ZMYM2: variants seen among roughly 807,000 people sequenced by gnomAD.
ZMYM2 encodes the protein zinc finger MYM-type protein 2.
In ZMYM2, 56 loss-of-function variants were observed where a neutral mutation model predicts 162.8. The observed-to-expected ratio is 0.34, with a 90% CI of 0.28 to 0.43. The LOEUF is 0.43. ZMYM2 is among the 20% of genes least tolerant of loss of function. ZMYM2 has a pLI of 1.00. For missense variants in ZMYM2, 1,275 were observed against 1,621.8 expected (o/e 0.79, Z 3.67); for synonymous variants, 510 against 541.6 (o/e 0.94, Z 0.81).
chr13:20,028,601 C>T (rs7489676), intron 9 of ZMYM2, among the ~76,000 whole-genome samples: 104,493 of 152,000 alleles, frequency 0.69, 41,137 homozygotes, highest in Non-Finnish European at 0.86. Context: ...ATATAAAATT[C>T]CAGGATGCCC....
chr13:20,063,943 A>G (rs1457023062), intron 18 of ZMYM2, among the ~76,000 whole-genome samples: 1 of 145,506 alleles, frequency 6.9e-6, no homozygotes, highest in African/African-American at 2.5e-5. Flanking sequence ...TAGTTTTTAT[A>G]TATATAATAT....
At chr13:20,034,765 C>T (rs1953526562) in intron 11 of ZMYM2, among the ~76,000 whole-genome samples, 1 of 152,134 alleles carries the variant, frequency 6.6e-6, no homozygotes, top group Admixed American at 6.5e-5. Flanking sequence ...ACCTAACCTG[C>T]AAAGGTTTTC....
intron 2 of ZMYM2, among the ~76,000 whole-genome samples, chr13:19,961,120 T>G (rs964484670): frequency 6.6e-6 from 1 of 152,088 alleles, no homozygotes; most frequent in East Asian, 1.9e-4. Context: ...CTAAGGTTTT[T>G]TTTTTTTTTT....
chr13:19,895,752 T>C, the ZMYM2 span, among the ~76,000 whole-genome samples: 5 of 151,494 alleles, frequency 3.3e-5, no homozygotes, highest in African/African-American at 1.2e-4. Flanking sequence ...TTTTGGAGGG[T>C]ACATTCAAAC....
chr13:20,042,721 A>AT (rs546046715), intron 12 of ZMYM2, among the ~76,000 whole-genome samples: 66 of 148,080 alleles, frequency 4.5e-4, no homozygotes, highest in African/African-American at 1.6e-3. Context: ...TTTTATTATT[A>AT]TTATTTTTTT....
chr13:19,972,456 T>C (rs1264173044), intron 2 of ZMYM2, among the ~76,000 whole-genome samples: 1 of 152,208 alleles, frequency 6.6e-6, no homozygotes, highest in Non-Finnish European at 1.5e-5. Flanking sequence ...AGTATAAATA[T>C]CTTTTTGCAA....
chr13:20,058,589 C>A lies in ZMYM2; in HGVS notation c.2508C>A (p.Pro836=). Residue 836 remains proline (P), a synonymous_variant, in exon 15 of 25, where the codon CCC becomes CCA. Coordinates refer to ENST00000610343, the MANE Select transcript of ZMYM2 (RefSeq NM_197968.4). ...CTTCTCCATAGGGTTCAGCACCACC[C>A]CCTTCTCCAACACCTAACAAAGAGA... ...SRTKMTGSAP[P]PSPTPNKEMK... is the part of the protein sequence containing the mutation. The A allele has an allele frequency of 6.2e-7, 1 of 1,613,612 alleles. No individual in the cohort carries two copies. The highest frequency in any genetic ancestry group is 1.7e-5 in the Admixed American group (1 of 59,984).
chr13:19,921,698 T>A, the ZMYM2 span, among the ~76,000 whole-genome samples: 1 of 152,204 alleles, frequency 6.6e-6, no homozygotes, highest in African/African-American at 2.4e-5. Flanking sequence ...CAAATAACTT[T>A]AATGTTTTTC....
intron 2 of ZMYM2, among the ~76,000 whole-genome samples, chr13:19,989,430 A>C (rs1949430865): frequency 1.3e-5 from 2 of 152,046 alleles, no homozygotes; most frequent in African/African-American, 2.4e-5. Context: ...CAGCCTCCTG[A>C]GTAGCTGGAA....
chr13:19,898,005 A>G, the ZMYM2 span, among the ~76,000 whole-genome samples: 1 of 152,118 alleles, frequency 6.6e-6, no homozygotes, highest in South Asian at 2.1e-4. Context: ...CCTAACAGAT[A>G]TTTACAGAAC....
the ZMYM2 span, among the ~76,000 whole-genome samples, chr13:19,937,024 T>C: frequency 6.6e-6 from 1 of 152,100 alleles, no homozygotes; most frequent in Non-Finnish European, 1.5e-5. Context: ...TTCAAGTGTT[T>C]TAATAAGTTG....
At chr13:20,029,993 C>T (rs373878809) in intron 9 of ZMYM2, among the ~76,000 whole-genome samples, 1 of 151,802 alleles carries the variant, frequency 6.6e-6, no homozygotes, top group African/African-American at 2.4e-5. Flanking sequence ...CGGACTTTCG[C>T]CACATTGGCC....
intron 2 of ZMYM2, among the ~76,000 whole-genome samples, chr13:19,986,785 T>C (rs1012959457): frequency 6.6e-6 from 1 of 151,992 alleles, no homozygotes; most frequent in Non-Finnish European, 1.5e-5. Flanking sequence ...GTAGAATCAT[T>C]ATTATATCAA....
At chr13:20,069,363 T>C (rs903468429) in intron 21 of ZMYM2, among the ~76,000 whole-genome samples, 2 of 152,122 alleles carry the variant, frequency 1.3e-5, no homozygotes, top group African/African-American at 4.8e-5. Context: ...GCCTAGTTCC[T>C]GATCTTAGAG....
At chr13:19,898,219 G>A in the ZMYM2 span, among the ~76,000 whole-genome samples, 1 of 151,640 alleles carries the variant, frequency 6.6e-6, no homozygotes, top group Non-Finnish European at 1.5e-5. Context: ...ATATATATAT[G>A]GAATTAAAGA....
intron 21 of ZMYM2, chr13:20,070,950 CTT>C (rs753704504): frequency 6.6e-6 from 1 of 152,514 alleles, no homozygotes; most frequent in Non-Finnish European, 1.5e-5. Flanking sequence ...TTACAAATCT[CTT>C]TATTTCTTAC....
intron 2 of ZMYM2, among the ~76,000 whole-genome samples, chr13:19,967,741 A>C (rs1471512508): frequency 1.3e-5 from 2 of 152,176 alleles, no homozygotes; most frequent in Non-Finnish European, 2.9e-5. Flanking sequence ...GAGATTGTTG[A>C]GGTGAGGACT....
the ZMYM2 span, among the ~76,000 whole-genome samples, chr13:19,877,226 A>AC: frequency 6.6e-6 from 1 of 151,754 alleles, no homozygotes; most frequent in Non-Finnish European, 1.5e-5. Context: ...AAAAAAAAAA[A>AC]AACAAAGAAG....
At chr13:20,066,296 A>C (rs1167106239) in intron 19 of ZMYM2, among the ~76,000 whole-genome samples, 1 of 152,192 alleles carries the variant, frequency 6.6e-6, no homozygotes, top group Non-Finnish European at 1.5e-5. Context: ...GCACAGTCAC[A>C]AATTTGTGTA....
Sources: gnomAD v4.1 joint callset for allele counts (sites outside exome capture counted in the v4.1 genomes callset) on GRCh38, gnomAD v4.1.1 for gene constraint, MANE v1.5 for transcripts, NCBI Gene and HGNC (gene_info 2026-07-23, HGNC 2026-07-21) for gene names.